PEX5L: variants seen among roughly 807,000 people sequenced by gnomAD.
The protein encoded by PEX5L is PEX5-related protein.
A neutral mutation model predicts 84.0 loss-of-function variants in PEX5L; 30 were observed. The observed-to-expected ratio is 0.36, with a 90% CI of 0.27 to 0.48. The LOEUF (loss-of-function observed/expected upper bound fraction) is 0.48, where lower values mean the gene tolerates loss of function less well. Ranked by LOEUF, PEX5L falls within the 20% of genes least tolerant of loss-of-function variation. PEX5L has a pLI of 0.99. For synonymous variants in PEX5L, 270 were observed against 283.1 expected (o/e 0.95, Z 0.46); for missense variants, 533 against 754.6 (o/e 0.71, Z 3.44).
chr3:179,864,042 A>C (rs1747259355), intron 7 of PEX5L, among the ~76,000 whole-genome samples: 1 of 152,066 alleles, frequency 6.6e-6, no homozygotes. Context: ...CCATCCATGT[A>C]AGATATGACT....
At chr3:179,982,389 T>C (rs1335098308) in intron 1 of PEX5L, among the ~76,000 whole-genome samples, 2 of 152,190 alleles carry the variant, frequency 1.3e-5, no homozygotes, top group Admixed American at 6.5e-5. Context: ...CCAGTGAATA[T>C]AGATGACTAC....
chr3:180,008,760 A>G (rs1391041727), intron 1 of PEX5L, among the ~76,000 whole-genome samples: 1 of 152,162 alleles, frequency 6.6e-6, no homozygotes, highest in Non-Finnish European at 1.5e-5. Context: ...CACTATCATG[A>G]GACTAGCATG....
At chr3:179,890,239 C>T (rs1408099748) in intron 3 of PEX5L, among the ~76,000 whole-genome samples, 1 of 152,096 alleles carries the variant, frequency 6.6e-6, no homozygotes, top group Non-Finnish European at 1.5e-5. Context: ...CTGTGAAGTG[C>T]GATCTGAATT....
At chr3:180,017,054 C>T (rs1790004832) in intron 1 of PEX5L, among the ~76,000 whole-genome samples, 1 of 152,074 alleles carries the variant, frequency 6.6e-6, no homozygotes, top group Non-Finnish European at 1.5e-5. Context: ...ACTAGCTTAA[C>T]ATCTATACAA....
At chr3:179,827,064 C>T (rs1188698876) in intron 8 of PEX5L, among the ~76,000 whole-genome samples, 2 of 152,132 alleles carry the variant, frequency 1.3e-5, no homozygotes, top group African/African-American at 4.8e-5. Flanking sequence ...AATCAAAATA[C>T]TTCATTCTTT....
chr3:180,023,030 TGTTA>T (rs755820050), intron 1 of PEX5L, among the ~76,000 whole-genome samples: 19 of 152,202 alleles, frequency 1.2e-4, no homozygotes, highest in Admixed American at 1.1e-3. Context: ...TTTTATCTCC[TGTTA>T]GTTGAGTCAT....
intron 8 of PEX5L, among the ~76,000 whole-genome samples, chr3:179,838,195 T>C (rs1735719532): frequency 6.6e-6 from 1 of 152,222 alleles, no homozygotes; most frequent in Non-Finnish European, 1.5e-5. Flanking sequence ...CTAGTACTAA[T>C]AACGTTTTTT....
chr3:180,002,407 T>C (rs1788505970), intron 1 of PEX5L, among the ~76,000 whole-genome samples: 2 of 152,266 alleles, frequency 1.3e-5, no homozygotes, highest in African/African-American at 2.4e-5. Context: ...ACTTTAAAAA[T>C]ATTTTTAAGT....
chr3:179,988,929 T>G (rs2110361460), intron 1 of PEX5L, among the ~76,000 whole-genome samples: 1 of 152,340 alleles, frequency 6.6e-6, no homozygotes, highest in African/African-American at 2.4e-5. Flanking sequence ...GAGATTATTT[T>G]CTGAAAAATC....
intron 7 of PEX5L, among the ~76,000 whole-genome samples, chr3:179,871,993 C>T (rs1019128496): frequency 2.1e-4 from 32 of 152,168 alleles, no homozygotes; most frequent in Non-Finnish European, 5.9e-5. Context: ...CACAGTCATC[C>T]TTCTACCTCA....
intron 3 of PEX5L, among the ~76,000 whole-genome samples, chr3:179,894,546 C>T (rs1186943746): frequency 6.6e-6 from 1 of 152,084 alleles, no homozygotes; most frequent in Non-Finnish European, 1.5e-5. Flanking sequence ...GAACAGATCA[C>T]AGCTTGGGTA....
At chr3:179,890,824 G>A (rs9816627) in intron 3 of PEX5L, among the ~76,000 whole-genome samples, 1 of 152,126 alleles carries the variant, frequency 6.6e-6, no homozygotes, top group Non-Finnish European at 1.5e-5. Context: ...AGCTGCAAAT[G>A]CATAAAAACT....
At chr3:179,970,222 A>G in intron 2 of PEX5L, among the ~76,000 whole-genome samples, 1 of 152,176 alleles carries the variant, frequency 6.6e-6, no homozygotes, top group Non-Finnish European at 1.5e-5. Flanking sequence ...AAATGTACAC[A>G]TATCTGTATT....
At chr3:179,819,228 C>G (rs1317196078) in intron 9 of PEX5L, among the ~76,000 whole-genome samples, 1 of 152,040 alleles carries the variant, frequency 6.6e-6, no homozygotes, top group African/African-American at 2.4e-5. Context: ...TCCCCCCAAC[C>G]CCACCAAGTG....
chr3:179,835,904 A>T (rs1734768588), intron 8 of PEX5L, among the ~76,000 whole-genome samples: 2 of 152,196 alleles, frequency 1.3e-5, no homozygotes, highest in Admixed American at 1.3e-4. Flanking sequence ...TGAGAAAACA[A>T]TGATTTTTAT....
Position 179,887,854 on chromosome 3 carries a change from C to A in PEX5L, c.199-70G>T. 7 of 1,010,220 alleles carry A rather than the reference C, an allele frequency of 6.9e-6. No individual in the cohort carries two copies. The South Asian group carries it at 9.7e-5, about 14-fold the overall frequency. The allele number at this position is 1,010,220 out of a possible 1,614,324, so 62.6% of individuals were successfully genotyped here. ...CAGAGTCAGATGAATTAAAATGCAG[C>A]CTTGCAACAAAATGAGAATAGCAAG... On this transcript the variant is annotated intron_variant, in intron 3 of 14. Coordinates refer to ENST00000467460, the MANE Select transcript of PEX5L (RefSeq NM_016559.3).
chr3:179,964,378 A>G (rs1782811803), intron 2 of PEX5L, among the ~76,000 whole-genome samples: 1 of 152,192 alleles, frequency 6.6e-6, no homozygotes, highest in Non-Finnish European at 1.5e-5. Flanking sequence ...TATTCTGGAC[A>G]TAGGATTGGG....
At chr3:179,970,774 C>T (rs1013958611) in intron 2 of PEX5L, among the ~76,000 whole-genome samples, 3 of 152,172 alleles carry the variant, frequency 2.0e-5, no homozygotes, top group Non-Finnish European at 2.9e-5. Context: ...CTGTAAATTA[C>T]TGACTGCTTT....
At chr3:179,876,668 C>G (rs1752522392) in intron 5 of PEX5L, among the ~76,000 whole-genome samples, 2 of 152,114 alleles carry the variant, frequency 1.3e-5, no homozygotes, top group South Asian at 4.1e-4. Flanking sequence ...CACCACTATT[C>G]ATCTCCAAAA....
Sources: allele counts gnomAD v4.1 joint callset (sites outside exome capture counted in the v4.1 genomes callset), GRCh38; gene constraint gnomAD v4.1.1; transcripts MANE v1.5; gene names NCBI Gene and HGNC (gene_info 2026-07-23, HGNC 2026-07-21).